SEC16B: variants seen among roughly 807,000 people sequenced by gnomAD.
SEC16B encodes the protein protein transport protein Sec16B.
Under a neutral mutation model 141.8 loss-of-function variants are expected in SEC16B, and 115 were observed. The ratio of observed to expected loss-of-function variants is 0.81; its 90% CI spans 0.70 to 0.95. SEC16B has a LOEUF of 0.95. SEC16B is among the 40% of genes least tolerant of loss of function. SEC16B has a pLI of 0.00. For missense variants in SEC16B, 1,291 were observed against 1,312.3 expected (o/e 0.98, Z 0.25); for synonymous variants, 493 against 492.5 (o/e 1.00, Z -0.01).
rs1013743046 is a variant in SEC16B, at chr1:177,958,973, T to C, written c.1001A>G (p.Glu334Gly). The C allele has an allele frequency of 1.9e-6, 3 of 1,612,350 alleles. No homozygotes were observed. ...MRSFSGPLIR[E>G]DVHKVDIMTF... The stretch of plus-strand genomic sequence containing the variant: ...CATAATATCCACCTTATGTACATCT[T>C]CCCTACATGGAAAAAATTTAGGGAG... The change falls in exon 9 of 26, where the codon GAA becomes GGA. Residue 334 changes from glutamate to glycine, a missense_variant and splice_region_variant. This residue lies in a region of SEC16B where 681 missense variants were observed against 675.5 expected (regional missense o/e 1.01). Coordinates refer to ENST00000308284, the MANE Select transcript of SEC16B (RefSeq NM_033127.4).
In SEC16B at chr1:177,958,202, G is replaced by T. The variant is rs768623007; in HGVS notation, c.1295C>A (p.Pro432His). Residue 432 changes from proline (P) to histidine (H), a missense_variant, in exon 10 of 26, where the codon CCC (proline) becomes CAC (histidine). Transcript: ENST00000308284. Reference protein sequence around the residue: ...GTPNLLTGEIPPSVETPAQIV... With the variant: ...GTPNLLTGEIHPSVETPAQIV... ...CTGCGCAGGTGTCTCCACACTGGGGGGGATCTCTCCCGTGAGCAGGTTCGG... is the reference window on the plus strand; with the variant it reads ...CTGCGCAGGTGTCTCCACACTGGGGTGGATCTCTCCCGTGAGCAGGTTCGG... 3 of 1,598,714 alleles carry T rather than the reference G, an allele frequency of 1.9e-6. No individual in the cohort carries two copies. The African/African-American group carries it at 4.0e-5, about 21-fold the overall frequency.
chr1:177,945,800 A>G (rs1034140406), intron 14 of SEC16B: 4 of 153,952 alleles, frequency 2.6e-5, no homozygotes, highest in African/African-American at 9.6e-5. Flanking sequence ...ACGTATGGGG[A>G]GGGGGATAGA....
upstream of SEC16B, among the ~76,000 whole-genome samples, chr1:177,971,063 C>CT (rs1296382259): frequency 2.0e-5 from 3 of 150,674 alleles, no homozygotes; most frequent in East Asian, 3.9e-4. Context: ...ATAGAATTCT[C>CT]TGACTGTAGC....
At position 177,944,663 on chromosome 1, in the gene SEC16B, T is replaced by C. The variant is rs375184071; in HGVS notation, c.1779A>G (p.Gln593=). 5 of 1,612,524 alleles carry C rather than the reference T, an allele frequency of 3.1e-6. No individual in the cohort carries two copies. The South Asian group carries it at 3.3e-5, about 11-fold the overall frequency. The part of the protein sequence containing the change: ...HLVLLGSSHS[Q]EFLKFATTEA... Reference sequence around the variant, plus strand: ...CAGTTGTTGCAAATTTCAAAAACTCTTGACTAAAACCAGAGAATAACAATA... The same window carrying C: ...CAGTTGTTGCAAATTTCAAAAACTCCTGACTAAAACCAGAGAATAACAATA... The change falls in exon 15 of 26, where the codon CAA becomes CAG. Residue 593 remains glutamine (Q), a synonymous_variant. Transcript: ENST00000308284.
rs75229641 is a variant in SEC16B, at chr1:177,946,562, C to T, written c.1664-31G>A. 2,439 of 1,507,974 alleles carry T rather than the reference C, an allele frequency of 1.6e-3. 39 individuals carry two copies. In the African/African-American group the frequency reaches 0.029, roughly 18 times the overall value. The allele number at this position is 1,507,974 out of a possible 1,614,324, so 93.4% of individuals were successfully genotyped here. ...GGAGGAAGAGAACAAGACCCAATCA[C>T]GGAGCACACCCGTATGGGGAGCCAT... On this transcript the variant is annotated intron_variant, in intron 13 of 25. Transcript: ENST00000308284.
chr1:177,941,759 A>G (rs1651289551), intron 16 of SEC16B, 141 bp downstream of exon 16: 3 of 880,600 alleles, frequency 3.4e-6, no homozygotes, highest in Non-Finnish European at 5.2e-6. Context: ...CTGGGCATGC[A>G]TACATGGTCA....
At chr1:177,961,406 A>G in intron 6 of SEC16B, 184 bp downstream of exon 6, 1 of 594,014 alleles carries the variant, frequency 1.7e-6, no homozygotes, top group Non-Finnish European at 2.9e-6. Context: ...ATCAGCTATG[A>G]TGCAATTACT....
chr1:177,979,564 T>C (rs1654316247), intron 1 of SEC16B, among the ~76,000 whole-genome samples: 1 of 152,224 alleles, frequency 6.6e-6, no homozygotes, highest in Non-Finnish European at 1.5e-5. Context: ...AAGCCACTTA[T>C]GATGCCAAAA....
intron 25 of SEC16B, among the ~76,000 whole-genome samples, 187 bp downstream of exon 25, chr1:177,930,358 A>G (rs1277579808): frequency 6.6e-6 from 1 of 152,208 alleles, no homozygotes; most frequent in Non-Finnish European, 1.5e-5. Flanking sequence ...CAGGCCCTTC[A>G]TATACATATC....
intron 5 of SEC16B, among the ~76,000 whole-genome samples, chr1:177,963,437 T>C (rs370780167): frequency 1.3e-5 from 2 of 151,892 alleles, no homozygotes; most frequent in East Asian, 1.9e-4. Context: ...ACCCGGTCTC[T>C]ACTAAAAATA....
rs780391759 is a variant in SEC16B, at chr1:177,968,029, A to G, written c.-48T>C. 2 of 1,515,102 alleles carry G rather than the reference A, an allele frequency of 1.3e-6. No individual in the cohort carries two copies. Among genetic ancestry groups the G allele is most frequent in the South Asian group, 1.3e-5 (1 of 77,200 alleles). The allele number at this position is 1,515,102 out of a possible 1,614,324, so 93.9% of individuals were successfully genotyped here. ...TGGGTTTTGAGTAAGTTGTGCAGTT[A>G]TTTTATCTTCCTGCAGACAAAAGAA... On this transcript the variant is annotated 5_prime_UTR_variant, in exon 2 of 26. Coordinates refer to ENST00000308284, the MANE Select transcript of SEC16B (RefSeq NM_033127.4).
At chr1:177,932,040 T>C (rs1032806216) in intron 24 of SEC16B, among the ~76,000 whole-genome samples, 1 of 152,128 alleles carries the variant, frequency 6.6e-6, no homozygotes, top group African/African-American at 2.4e-5. Context: ...AGAAAACATA[T>C]GTTTGGAGAA....
chr1:177,929,238 G>A lies in SEC16B; in HGVS notation c.*620C>T, dbSNP rs1010100431. 1 of 153,788 alleles carries A rather than the reference G, an allele frequency of 6.5e-6. No homozygotes were observed. Among genetic ancestry groups the A allele is most frequent in the Non-Finnish European group, 1.5e-5 (1 of 68,844 alleles). 9.5% of individuals were successfully genotyped at this position (153,788 alleles called of 1,614,324 possible). A position where few individuals can be genotyped will look rare whatever the true frequency, so the allele number is the denominator to read the frequency against. ...CCACATGCCAGAATGTGAAAAAATA[G>A]GACCAGCTAAGAAAGTGAGAGAAAT... On this transcript the variant is annotated 3_prime_UTR_variant, in exon 26 of 26. Coordinates refer to ENST00000308284, the MANE Select transcript of SEC16B (RefSeq NM_033127.4).
At chr1:177,941,416 T>G (rs1020514429) in intron 16 of SEC16B, among the ~76,000 whole-genome samples, 2 of 152,234 alleles carry the variant, frequency 1.3e-5, no homozygotes, top group Non-Finnish European at 2.9e-5. Flanking sequence ...AAACAACTAT[T>G]TGCTTGATTG....
chr1:177,977,281 A>G (rs1654204987), intron 1 of SEC16B, among the ~76,000 whole-genome samples: 1 of 152,148 alleles, frequency 6.6e-6, no homozygotes, highest in Admixed American at 6.6e-5. Flanking sequence ...GATACACAGA[A>G]CCAATGAGCT....
At chr1:177,949,731 G>A (rs770793244) in intron 12 of SEC16B, among the ~76,000 whole-genome samples, 1 of 152,124 alleles carries the variant, frequency 6.6e-6, no homozygotes, top group East Asian at 1.9e-4. Context: ...GATGTACATA[G>A]AGTCCAGGTT....
intron 10 of SEC16B, 60 bp from the exon 11 acceptor site, chr1:177,954,436 G>C (rs1371370977): frequency 7.4e-7 from 1 of 1,345,252 alleles, no homozygotes; most frequent in Admixed American, 2.0e-5. Context: ...ACAAGTTCCT[G>C]TGCTTAGGTG....
chr1:177,955,432 C>T (rs1230258861), intron 10 of SEC16B, among the ~76,000 whole-genome samples: 1 of 152,176 alleles, frequency 6.6e-6, no homozygotes, highest in Non-Finnish European at 1.5e-5. Context: ...ACTGCAACCT[C>T]CACTTCCCAG....
rs200197672 is a variant in SEC16B at position 177,958,959 on chromosome 1, C to T, written c.1015G>A (p.Val339Met). 5.0e-5 allele frequency: 81 copies of T among 1,613,128 alleles called. No individual in the cohort carries two copies. The highest frequency in any genetic ancestry group is 6.6e-5 in the Non-Finnish European group (78 of 1,179,606). ...GPLIREDVHKVDIMTFCQQKA... is the reference protein window; with the variant it reads ...GPLIREDVHKMDIMTFCQQKA... The stretch of plus-strand genomic sequence containing the variant: ...TGCTGGCAAAACGTCATAATATCCA[C>T]CTTATGTACATCTTCCCTACATGGA... The change falls in exon 9 of 26, where the codon GTG becomes ATG. Residue 339 changes from valine to methionine, a missense_variant. Physicochemically the swap from Val to Met is conservative, Grantham distance 21. Coordinates refer to ENST00000308284, the MANE Select transcript of SEC16B (RefSeq NM_033127.4).
Sources: allele counts gnomAD v4.1 joint callset (sites outside exome capture counted in the v4.1 genomes callset), GRCh38; gene constraint gnomAD v4.1.1; regional missense constraint gnomAD v4.1.1; transcripts MANE v1.5; gene names NCBI Gene and HGNC (gene_info 2026-07-23, HGNC 2026-07-21).